The following ASIC2 variants were observed in gnomAD, a reference collection of about 807,000 sequenced individuals.
The protein encoded by ASIC2 is acid-sensing ion channel 2.
In ASIC2, 25 loss-of-function variants were observed where a neutral mutation model predicts 57.3. That is an observed-to-expected ratio of 0.44 (90% CI 0.32 to 0.61). The LOEUF is 0.61. Ranked by LOEUF, ASIC2 falls within the 20% of genes least tolerant of loss-of-function variation. The pLI, the probability that ASIC2 is intolerant of heterozygous loss-of-function variation, is 0.06. For synonymous variants in ASIC2, 319 were observed against 307.5 expected (o/e 1.04, Z -0.39); for missense variants, 641 against 738.1 (o/e 0.87, Z 1.52).
intron 1 of ASIC2, among the ~76,000 whole-genome samples, chr17:34,108,999 T>C (rs1323785902): frequency 6.6e-6 from 1 of 151,336 alleles, no homozygotes; most frequent in East Asian, 1.9e-4. Context: ...ACTTTCAACA[T>C]ATTTTGTCTA....
At chr17:33,209,821 C>T (rs116220612) in intron 1 of ASIC2, among the ~76,000 whole-genome samples, 183 of 152,310 alleles carry the variant, frequency 1.2e-3, no homozygotes, top group African/African-American at 4.2e-3. Flanking sequence ...ATCCCCTGAC[C>T]TCACCAGCTG....
At chr17:34,102,731 T>C (rs938228555) in intron 1 of ASIC2, among the ~76,000 whole-genome samples, 1 of 152,182 alleles carries the variant, frequency 6.6e-6, no homozygotes, top group African/African-American at 2.4e-5. Flanking sequence ...CATTCATGAG[T>C]ATTGGGGCTG....
At chr17:33,866,274 G>T (rs909227898) in intron 1 of ASIC2, among the ~76,000 whole-genome samples, 35 of 151,992 alleles carry the variant, frequency 2.3e-4, no homozygotes, top group Admixed American at 2.0e-3. Flanking sequence ...CCACTTTTCT[G>T]TACCAATTTA....
At chr17:33,067,489 T>C (rs986598402) in intron 3 of ASIC2, among the ~76,000 whole-genome samples, 2 of 152,160 alleles carry the variant, frequency 1.3e-5, no homozygotes, top group African/African-American at 4.8e-5. Flanking sequence ...GAGATGGGAA[T>C]CTGCAGGGCA....
At position 33,667,868 on chromosome 17, in the gene ASIC2, A is replaced by G. The variant is rs143177722; in HGVS notation, c.555+488110T>C. Among the ~76,000 whole-genome samples the G allele has an allele frequency of 4.0e-3, 607 of 152,322 alleles. 2 individuals are homozygous for G. The highest frequency in any genetic ancestry group is 0.014 in the African/African-American group (580 of 41,562). On this transcript the variant is annotated intron_variant, in intron 1 of 9. Coordinates refer to the ASIC2 transcript ENST00000359872. ...ACAGATTTATTTAGTCACTTTATCT[A>G]TAAGCACAGCTGCTTAAGGAAACCA...
chr17:33,120,136 A>G (rs1345335786), intron 1 of ASIC2, among the ~76,000 whole-genome samples: 3 of 152,186 alleles, frequency 2.0e-5, no homozygotes, highest in African/African-American at 7.2e-5. Flanking sequence ...GGTTGCTGGA[A>G]TAAGGTTTAG....
intron 1 of ASIC2, among the ~76,000 whole-genome samples, chr17:33,803,027 CT>C (rs1912174222): frequency 6.6e-6 from 1 of 152,210 alleles, no homozygotes; most frequent in African/African-American, 2.4e-5. Context: ...AAACCTCTCT[CT>C]TTTCTCAGCT....
At chr17:33,148,526 A>G (rs140850813) in intron 1 of ASIC2, among the ~76,000 whole-genome samples, 1 of 152,364 alleles carries the variant, frequency 6.6e-6, no homozygotes, top group Non-Finnish European at 1.5e-5. Context: ...CGGAGGTCAA[A>G]CTGCCTGGGT....
intron 1 of ASIC2, among the ~76,000 whole-genome samples, chr17:33,690,743 G>GTTTTTTTTTTTTTTTT (rs527881591): frequency 1.2e-5 from 1 of 81,676 alleles, no homozygotes; most frequent in Admixed American, 1.7e-4. Context: ...ACTCTTCATT[G>GTTTTTTTTTTTTTTTT]TTTTTTTTTT....
intron 2 of ASIC2, among the ~76,000 whole-genome samples, chr17:33,096,837 G>C (rs1476781062): frequency 6.6e-6 from 1 of 152,224 alleles, no homozygotes; most frequent in African/African-American, 2.4e-5. Context: ...GGAGGGAACA[G>C]CAAGTGCCAA....
chr17:34,093,089 C>T lies in ASIC2; in HGVS notation c.555+62889G>A, dbSNP rs143132882. 4.4e-3 allele frequency among the ~76,000 whole-genome samples: 674 copies of T among 152,264 alleles called. 4 individuals carry two copies. The highest frequency in any genetic ancestry group is 0.015 in the African/African-American group (632 of 41,552). On this transcript the variant is annotated intron_variant, in intron 1 of 9. Transcript: ENST00000359872. ...TATTATTTCAGAACACCACAATTTA[C>T]TTATTCATTCTTGTTAATAGGTAAT... is the stretch of plus-strand genomic sequence containing the variant.
chr17:33,973,996 T>C (rs976113305), intron 1 of ASIC2, among the ~76,000 whole-genome samples: 1 of 152,208 alleles, frequency 6.6e-6, no homozygotes, highest in African/African-American at 2.4e-5. Context: ...ATTTTCCACC[T>C]TCTACTCTGT....
At chr17:33,594,270 A>C (rs1481996933) in intron 1 of ASIC2, among the ~76,000 whole-genome samples, 1 of 152,212 alleles carries the variant, frequency 6.6e-6, no homozygotes, top group Non-Finnish European at 1.5e-5. Context: ...GCCTGCTTTC[A>C]GAGCTGTCTC....
At chr17:33,789,619 A>C (rs1038189383) in intron 1 of ASIC2, among the ~76,000 whole-genome samples, 26 of 152,184 alleles carry the variant, frequency 1.7e-4, no homozygotes, top group Admixed American at 2.0e-4. Flanking sequence ...AAGCTATTTT[A>C]CTGGCAATCA....
At chr17:33,426,895 G>T (rs1911239070) in intron 1 of ASIC2, among the ~76,000 whole-genome samples, 1 of 152,146 alleles carries the variant, frequency 6.6e-6, no homozygotes, top group Non-Finnish European at 1.5e-5. Flanking sequence ...TTTAGGGAGG[G>T]GAATAAGGGA....
intron 1 of ASIC2, among the ~76,000 whole-genome samples, chr17:34,035,825 A>C (rs1285866745): frequency 2.6e-5 from 4 of 152,182 alleles, no homozygotes; most frequent in Non-Finnish European, 5.9e-5. Flanking sequence ...AATCAAAACC[A>C]CAATGAGATA....
intron 1 of ASIC2, among the ~76,000 whole-genome samples, chr17:33,258,347 C>T (rs1218345833): frequency 6.6e-6 from 1 of 152,120 alleles, no homozygotes; most frequent in Non-Finnish European, 1.5e-5. Flanking sequence ...GACATTAATC[C>T]ATCAGTTAAT....
chr17:33,422,550 C>T (rs371264123), intron 1 of ASIC2, among the ~76,000 whole-genome samples: 3 of 152,234 alleles, frequency 2.0e-5, no homozygotes, highest in Non-Finnish European at 4.4e-5. Flanking sequence ...CTGCCCATGG[C>T]GGCTCCATGC....
intron 1 of ASIC2, among the ~76,000 whole-genome samples, chr17:34,095,399 T>C (rs999673798): frequency 6.6e-6 from 1 of 152,032 alleles, no homozygotes; most frequent in Non-Finnish European, 1.5e-5. Flanking sequence ...TATGAAAGGG[T>C]TGATAAATAA....
Sources: gnomAD v4.1 joint callset for allele counts (sites outside exome capture counted in the v4.1 genomes callset) on GRCh38, gnomAD v4.1.1 for gene constraint, MANE v1.5 for transcripts, NCBI Gene and HGNC (gene_info 2026-07-23, HGNC 2026-07-21) for gene names.